Variants in HDAC9 observed in about 807,000 individuals in gnomAD.
HDAC9 encodes the protein histone deacetylase 9, also known as MEF-2 interacting transcription repressor (MITR) protein.
HDAC9 carries 41 observed loss-of-function variants against 139.4 expected under a neutral mutation model. That is an observed-to-expected ratio of 0.29 (90% CI 0.23 to 0.38). HDAC9 has a LOEUF of 0.38. Ranked by LOEUF, HDAC9 falls within the 10% of genes least tolerant of loss-of-function variation. HDAC9 has a pLI of 1.00. For missense variants in HDAC9, 1,147 were observed against 1,297.0 expected (o/e 0.88, Z 1.78); for synonymous variants, 517 against 476.2 (o/e 1.09, Z -1.12).
chr7:18,205,346 T>C lies in HDAC9; in HGVS notation c.25+42997T>C, dbSNP rs549212959. 2.6e-5 allele frequency among the ~76,000 whole-genome samples: 4 copies of C among 152,176 alleles called. No individual in the cohort carries two copies. In the South Asian group the frequency reaches 8.3e-4, roughly 32 times the overall value. The stretch of plus-strand genomic sequence containing the variant: ...TTAATGCTTGATAATATGCTTTAAA[T>C]GTAGTAGGTTCAGGTCTTCTTTTCC... On this transcript the variant is annotated intron_variant, in intron 2 of 12. Transcript: ENST00000417496.
intron 14 of HDAC9, among the ~76,000 whole-genome samples, chr7:18,755,777 T>A (rs1788822911): frequency 2.6e-5 from 4 of 152,160 alleles, no homozygotes; most frequent in Admixed American, 6.6e-5. Context: ...TTTGCTGTTT[T>A]CTGAAGTGCT....
intron 2 of HDAC9, among the ~76,000 whole-genome samples, chr7:18,539,215 T>G (rs1811917263): frequency 6.6e-6 from 1 of 152,246 alleles, no homozygotes; most frequent in Non-Finnish European, 1.5e-5. Context: ...GGCTCTACTC[T>G]ACTTATGTGG....
chr7:18,957,315 C>T (rs1191366852), intron 24 of HDAC9, among the ~76,000 whole-genome samples: 1 of 152,104 alleles, frequency 6.6e-6, no homozygotes, highest in African/African-American at 2.4e-5. Flanking sequence ...CCTCTAATGT[C>T]CACAGAGCAA....
chr7:18,556,594 T>C (rs1480898169), intron 2 of HDAC9, among the ~76,000 whole-genome samples: 5 of 151,744 alleles, frequency 3.3e-5, no homozygotes, highest in Non-Finnish European at 5.9e-5. Context: ...AGTTCACTAA[T>C]TTCTGTCTCA....
chr7:18,951,678 A>T (rs1460933391), intron 23 of HDAC9, among the ~76,000 whole-genome samples: 2 of 151,824 alleles, frequency 1.3e-5, no homozygotes, highest in Non-Finnish European at 2.9e-5. Context: ...GTATCTAATC[A>T]CCTAAATTAA....
chr7:18,706,371 T>C (rs1783920940), intron 12 of HDAC9, among the ~76,000 whole-genome samples: 1 of 152,132 alleles, frequency 6.6e-6, no homozygotes, highest in African/African-American at 2.4e-5. Context: ...AGGAAATTTG[T>C]TAGTAATAAA....
intron 22 of HDAC9, among the ~76,000 whole-genome samples, chr7:18,889,952 A>G (rs10243892): frequency 0.013 from 2,003 of 152,248 alleles, 42 homozygotes; most frequent in African/African-American, 0.046. Flanking sequence ...TGAGCCTCTT[A>G]GCCTTCCAAA....
At chr7:18,407,161 T>C (rs1788090481) in intron 1 of HDAC9, among the ~76,000 whole-genome samples, 1 of 152,170 alleles carries the variant, frequency 6.6e-6, no homozygotes, top group South Asian at 2.1e-4. Context: ...CCAGATCTTA[T>C]TTATCTCTCA....
At chr7:18,428,774 G>A (rs1790356854) in intron 1 of HDAC9, among the ~76,000 whole-genome samples, 1 of 152,092 alleles carries the variant, frequency 6.6e-6, no homozygotes, top group African/African-American at 2.4e-5. Flanking sequence ...AAGCAAAAAT[G>A]CTTTCCAGGG....
intron 1 of HDAC9, among the ~76,000 whole-genome samples, chr7:18,417,968 A>G (rs1284787524): frequency 1.3e-5 from 2 of 151,998 alleles, no homozygotes; most frequent in Non-Finnish European, 2.9e-5. Context: ...CTGTTTCCTC[A>G]AGTCTGGATG....
chr7:18,855,499 C>G (rs980701835), intron 21 of HDAC9, among the ~76,000 whole-genome samples: 18 of 151,874 alleles, frequency 1.2e-4, no homozygotes, highest in African/African-American at 4.4e-4. Flanking sequence ...CATGAGCATG[C>G]CTTTCCTGCT....
intron 22 of HDAC9, among the ~76,000 whole-genome samples, chr7:18,908,854 A>G (rs1802501838): frequency 1.3e-5 from 2 of 152,072 alleles, no homozygotes; most frequent in African/African-American, 4.8e-5. Flanking sequence ...TGTGAATAGT[A>G]CTGCAATAAA....
chr7:18,873,983 T>C (rs1354019170), intron 21 of HDAC9, among the ~76,000 whole-genome samples: 2 of 139,204 alleles, frequency 1.4e-5, no homozygotes, highest in Non-Finnish European at 3.1e-5. Flanking sequence ...CCCCCTACCA[T>C]GATAAATATT....
intron 1 of HDAC9, among the ~76,000 whole-genome samples, chr7:18,384,109 A>C (rs957426860): frequency 1.3e-5 from 2 of 152,074 alleles, no homozygotes; most frequent in African/African-American, 4.8e-5. Context: ...TTAACAGTTA[A>C]AGATGAATCT....
intron 21 of HDAC9, among the ~76,000 whole-genome samples, chr7:18,840,818 T>C (rs1283711904): frequency 6.6e-6 from 1 of 152,130 alleles, no homozygotes; most frequent in African/African-American, 2.4e-5. Flanking sequence ...AGATATCCTG[T>C]CTATTCTTAG....
chr7:18,545,662 A>G (rs184706139), intron 2 of HDAC9, among the ~76,000 whole-genome samples: 6 of 152,322 alleles, frequency 3.9e-5, no homozygotes, highest in African/African-American at 1.4e-4. Context: ...AGTGCCTGCT[A>G]CAAGTGTGAG....
chr7:18,979,024 G>T (rs753822742), intron 25 of HDAC9, among the ~76,000 whole-genome samples: 2 of 151,948 alleles, frequency 1.3e-5, no homozygotes, highest in Non-Finnish European at 2.9e-5. Flanking sequence ...CCTGTAAATC[G>T]TGTTACATTT....
At chr7:18,678,590 C>G (rs1030784503) in intron 12 of HDAC9, among the ~76,000 whole-genome samples, 6 of 151,780 alleles carry the variant, frequency 4.0e-5, no homozygotes, top group Non-Finnish European at 5.9e-5. Flanking sequence ...TTAATCACAT[C>G]CAGTAAATTT....
intron 1 of HDAC9, among the ~76,000 whole-genome samples, chr7:18,439,033 A>G (rs1426895982): frequency 2.0e-5 from 3 of 152,188 alleles, no homozygotes; most frequent in Non-Finnish European, 2.9e-5. Context: ...GTACTTCCAT[A>G]TAATGTATAT....
Sources: gnomAD v4.1 joint callset for allele counts (sites outside exome capture counted in the v4.1 genomes callset) on GRCh38, gnomAD v4.1.1 for gene constraint, MANE v1.5 for transcripts, NCBI Gene and HGNC (gene_info 2026-07-23, HGNC 2026-07-21) for gene names.